Variants in BCLAF3 observed in about 807,000 individuals in gnomAD.
The protein encoded by BCLAF3 is transient octamer binding factor 1.
BCLAF3 carries 24 observed loss-of-function variants against 51.2 expected under a neutral mutation model. That is an observed-to-expected ratio of 0.47 (90% CI 0.34 to 0.66). BCLAF3 has a LOEUF of 0.66. Ranked by LOEUF, BCLAF3 falls within the 30% of genes least tolerant of loss-of-function variation. The probability of loss-of-function intolerance (pLI) is 0.01; values close to 1 mark genes in which losing one functional copy is unlikely to be tolerated. For synonymous variants in BCLAF3, 152 were observed against 176.6 expected (o/e 0.86, Z 1.10); for missense variants, 465 against 525.1 (o/e 0.89, Z 1.12).
At position 19,988,988 on chromosome X, in the gene BCLAF3, A is replaced by G. The variant is rs777385640; in HGVS notation, c.-35+1920T>C. 8.9e-5 allele frequency among the ~76,000 whole-genome samples: 10 copies of G among 111,902 alleles called. No individual in the cohort carries two copies. In the East Asian group the frequency reaches 2.8e-3, roughly 31 times the overall value. ...GAGAGGGGTAGTTGTACTTGGTTGG[A>G]GAGTACAAGTATGGCTCAAAAGTAT... On this transcript the variant is annotated intron_variant, in intron 1 of 11. Transcript: ENST00000379682.
At chrX:19,940,145 G>C (rs2070951472) in intron 8 of BCLAF3, among the ~76,000 whole-genome samples, 1 of 112,036 alleles carries the variant, frequency 8.9e-6, no homozygotes, top group Non-Finnish European at 1.9e-5. Context: ...TTTTTGACCA[G>C]GCAAATGAAT....
chrX:19,963,611 C>T (rs2071939569), intron 4 of BCLAF3, among the ~76,000 whole-genome samples: 1 of 111,235 alleles, frequency 9.0e-6, no homozygotes, highest in African/African-American at 3.3e-5. Flanking sequence ...ATCATAAATG[C>T]TTTCTGAGCA....
chrX:19,960,766 G>A (rs893434667), intron 4 of BCLAF3, among the ~76,000 whole-genome samples: 1 of 111,369 alleles, frequency 9.0e-6, no homozygotes, highest in Non-Finnish European at 1.9e-5. Flanking sequence ...GAGTGTCAGG[G>A]TCCCAATGTC....
chrX:19,972,903 C>G (rs984722545), intron 1 of BCLAF3, among the ~76,000 whole-genome samples: 2 of 112,262 alleles, frequency 1.8e-5, no homozygotes, highest in East Asian at 5.5e-4. Context: ...TGGGTTGTTT[C>G]TACCTTTCAG....
At chrX:19,921,590 C>T in intron 11 of BCLAF3, among the ~76,000 whole-genome samples, 1 of 110,219 alleles carries the variant, frequency 9.1e-6, no homozygotes, top group South Asian at 3.9e-4. Context: ...GTAGTCCCAG[C>T]TACTCGGGAG....
At chrX:19,977,495 A>G (rs995846060) in intron 1 of BCLAF3, among the ~76,000 whole-genome samples, 92 of 112,512 alleles carry the variant, frequency 8.2e-4, no homozygotes, top group Non-Finnish European at 2.6e-4. Context: ...AGCCCAATCC[A>G]GAGCAAGACT....
At chrX:19,975,584 T>C (rs1487785731) in intron 1 of BCLAF3, among the ~76,000 whole-genome samples, 1 of 111,900 alleles carries the variant, frequency 8.9e-6, no homozygotes, top group Non-Finnish European at 1.9e-5. Context: ...CCTCAAATGA[T>C]CTGCCCGCCT....
At chrX:19,970,921 A>G (rs2072235829) in intron 1 of BCLAF3, among the ~76,000 whole-genome samples, 1 of 111,767 alleles carries the variant, frequency 8.9e-6, no homozygotes, top group Admixed American at 9.5e-5. Context: ...TTCCAAAAAG[A>G]GGAAAAATTA....
intron 8 of BCLAF3, among the ~76,000 whole-genome samples, chrX:19,945,202 C>G (rs1160646851): frequency 9.1e-6 from 1 of 109,614 alleles, no homozygotes; most frequent in Non-Finnish European, 1.9e-5. Flanking sequence ...TTTTCAATTT[C>G]TTTGCCTTTG....
intron 4 of BCLAF3, among the ~76,000 whole-genome samples, chrX:19,963,640 T>C (rs1016366568): frequency 3.6e-5 from 4 of 111,401 alleles, no homozygotes; most frequent in African/African-American, 1.3e-4. Flanking sequence ...AATGCACATA[T>C]GTATATTTAA....
At chrX:19,929,718 A>C in intron 11 of BCLAF3, 67 bp downstream of exon 11, 3 of 1,022,315 alleles carry the variant, frequency 2.9e-6, no homozygotes, top group Non-Finnish European at 3.9e-6. Context: ...AATTTATCTA[A>C]TGAACATAGA....
At chrX:19,934,547 A>T (rs1006514182) in intron 10 of BCLAF3, among the ~76,000 whole-genome samples, 2 of 112,651 alleles carry the variant, frequency 1.8e-5, no homozygotes, top group African/African-American at 6.4e-5. Flanking sequence ...AATGTAATCT[A>T]TTCAATGCCT....
chrX:19,984,826 T>A (rs1193680657), intron 1 of BCLAF3, among the ~76,000 whole-genome samples: 1 of 110,473 alleles, frequency 9.1e-6, no homozygotes, highest in African/African-American at 3.3e-5. Context: ...GCTGGGATTA[T>A]AGGCATGCAC....
intron 11 of BCLAF3, among the ~76,000 whole-genome samples, chrX:19,924,748 C>T (rs1270014869): frequency 1.8e-5 from 2 of 111,190 alleles, no homozygotes; most frequent in South Asian, 3.8e-4. Context: ...TGGCCAAATG[C>T]GCAATTACTT....
At chrX:19,989,049 A>G (rs2072879210) in intron 1 of BCLAF3, among the ~76,000 whole-genome samples, 1 of 110,559 alleles carries the variant, frequency 9.0e-6, no homozygotes, top group African/African-American at 3.3e-5. Context: ...GCCTTTTGCT[A>G]GGGTGTGGGT....
intron 11 of BCLAF3, among the ~76,000 whole-genome samples, chrX:19,921,991 A>G (rs937911132): frequency 9.9e-5 from 11 of 111,208 alleles, no homozygotes; most frequent in African/African-American, 3.6e-4. Flanking sequence ...CAACAGAGCA[A>G]AACTCCGTCT....
At chrX:19,972,464 C>A (rs776963718) in intron 1 of BCLAF3, among the ~76,000 whole-genome samples, 2 of 112,049 alleles carry the variant, frequency 1.8e-5, no homozygotes, top group Non-Finnish European at 3.8e-5. Context: ...GGAGCATAAT[C>A]TTTTTTCCAT....
At chrX:19,947,504 T>C (rs1224317515) in intron 8 of BCLAF3, among the ~76,000 whole-genome samples, 1 of 111,376 alleles carries the variant, frequency 9.0e-6, no homozygotes, top group Non-Finnish European at 1.9e-5. Flanking sequence ...CTTACAATGG[T>C]TTAACTTACA....
chrX:19,988,048 T>A (rs1406622938), intron 1 of BCLAF3, among the ~76,000 whole-genome samples: 1 of 112,109 alleles, frequency 8.9e-6, no homozygotes, highest in Non-Finnish European at 1.9e-5. Flanking sequence ...GAAATGGGCT[T>A]TAGCATACTT....
Sources: gnomAD v4.1 joint callset for allele counts (sites outside exome capture counted in the v4.1 genomes callset) on GRCh38, gnomAD v4.1.1 for gene constraint, MANE v1.5 for transcripts, NCBI Gene and HGNC (gene_info 2026-07-23, HGNC 2026-07-21) for gene names.